Variants in PTN observed in about 807,000 individuals in gnomAD.
The protein encoded by PTN is pleiotrophin.
A neutral mutation model predicts 24.1 loss-of-function variants in PTN; 18 were observed. The observed-to-expected ratio is 0.75, with a 90% CI of 0.52 to 1.11. The LOEUF (loss-of-function observed/expected upper bound fraction) is 1.11. Among genes scored for constraint, PTN ranks in the 50% least tolerant of loss-of-function variants. The pLI, the probability that PTN is intolerant of heterozygous loss-of-function variation, is 0.00. For synonymous variants in PTN, 78 were observed against 68.6 expected, an observed-to-expected ratio of 1.14 and a Z score of -0.67; for missense variants, 163 against 198.8, an observed-to-expected ratio of 0.82 and a Z score of 1.08.
Position 137,251,237 on chromosome 7 carries a change from T to C in PTN, c.444A>G (p.Lys148=), listed in dbSNP as rs1367713549. Residue 148 remains lysine (K), a synonymous_variant, in exon 4 of 5, where the codon AAA becomes AAG. Coordinates refer to ENST00000348225, the MANE Select transcript of PTN (RefSeq NM_002825.7). ...ATAATGGCAAGGACTTACCTTGAGG[T>C]TTGGGCTTGGTCAGTTTGCCACAGG... The part of the protein sequence containing the change: ...SKPCGKLTKP[K]PQAESKKKKK... 1.2e-6 allele frequency: 2 copies of C among 1,613,918 alleles called. No individual in the cohort carries two copies. Among genetic ancestry groups the C allele is most frequent in the African/African-American group, 2.7e-5 (2 of 74,874 alleles).
In PTN at chr7:137,254,879, G is replaced by T; in HGVS notation, c.95C>A (p.Ala32Glu). 1 of 1,564,500 alleles carries T rather than the reference G, an allele frequency of 6.4e-7. No individual in the cohort carries two copies. The highest frequency in any genetic ancestry group is 8.7e-7 in the Non-Finnish European group (1 of 1,143,896). The change falls in exon 2 of 5, where the codon GCA (alanine) becomes GAA (glutamate). Residue 32 changes from alanine (A) to glutamate (E), a missense_variant. By Grantham distance (107) the Ala-to-Glu change is moderately radical. Transcript: ENST00000348225. ...FILAAVDTAEAGKKEKPEKKV... is the reference protein window; with the variant it reads ...FILAAVDTAEEGKKEKPEKKV... Reference sequence around the variant, plus strand: ...CTTACCTGGTTTCTCTTTCTTCCCTGCTTCAGCAGTATCCACAGCTGCCAG... The same window carrying T: ...CTTACCTGGTTTCTCTTTCTTCCCTTCTTCAGCAGTATCCACAGCTGCCAG...
chr7:137,305,671 A>G (rs1809875992), intron 1 of PTN, among the ~76,000 whole-genome samples: 1 of 152,090 alleles, frequency 6.6e-6, no homozygotes, highest in Admixed American at 6.6e-5. Context: ...TTTCAAGAAT[A>G]TAAGAAAATG....
At chr7:137,311,966 A>G (rs1809989534) in intron 1 of PTN, among the ~76,000 whole-genome samples, 1 of 128,318 alleles carries the variant, frequency 7.8e-6, no homozygotes, top group Admixed American at 7.1e-5. Context: ...AAAATATGCA[A>G]TCTCTGAGAA....
At chr7:137,229,601 G>T (rs1337895607) in intron 4 of PTN, among the ~76,000 whole-genome samples, 1 of 151,530 alleles carries the variant, frequency 6.6e-6, no homozygotes, top group African/African-American at 2.4e-5. Flanking sequence ...AAACTTCAAG[G>T]GTACACTATA....
intron 1 of PTN, among the ~76,000 whole-genome samples, chr7:137,336,711 G>A (rs1463100905): frequency 6.6e-6 from 1 of 152,196 alleles, no homozygotes; most frequent in Non-Finnish European, 1.5e-5. Context: ...CAGATGCCAA[G>A]TGGGCATGAG....
chr7:137,258,302 G>A (rs886893515), intron 1 of PTN, among the ~76,000 whole-genome samples: 1 of 152,142 alleles, frequency 6.6e-6, no homozygotes, highest in Non-Finnish European at 1.5e-5. Context: ...CACTCTATCT[G>A]CCTCTAATGT....
chr7:137,230,052 G>A (rs532281552), intron 4 of PTN, among the ~76,000 whole-genome samples: 1 of 151,782 alleles, frequency 6.6e-6, no homozygotes, highest in African/African-American at 2.4e-5. Context: ...GTCTCCAGTA[G>A]AGTGGATATC....
At chr7:137,262,297 T>A (rs571962346) in intron 1 of PTN, among the ~76,000 whole-genome samples, 1 of 152,304 alleles carries the variant, frequency 6.6e-6, no homozygotes, top group South Asian at 2.1e-4. Flanking sequence ...TGCTTTTTTA[T>A]CTTCAATTTA....
At chr7:137,305,367 C>G (rs1809870834) in intron 1 of PTN, among the ~76,000 whole-genome samples, 1 of 152,004 alleles carries the variant, frequency 6.6e-6, no homozygotes, top group Non-Finnish European at 1.5e-5. Flanking sequence ...ATCAGAGCAA[C>G]CACCATATGC....
chr7:137,333,024 G>T (rs897386192), intron 1 of PTN, among the ~76,000 whole-genome samples: 4 of 152,184 alleles, frequency 2.6e-5, no homozygotes, highest in South Asian at 2.1e-4. Flanking sequence ...TGGAGGTGGT[G>T]CCAGATGGGA....
At chr7:137,327,360 C>G (rs1468139178) in intron 1 of PTN, among the ~76,000 whole-genome samples, 1 of 151,652 alleles carries the variant, frequency 6.6e-6, no homozygotes, top group Non-Finnish European at 1.5e-5. Flanking sequence ...TTTTTCTAAC[C>G]GTTGCTTCCA....
At chr7:137,237,287 G>A (rs1159785862) in intron 4 of PTN, among the ~76,000 whole-genome samples, 1 of 144,408 alleles carries the variant, frequency 6.9e-6, no homozygotes, top group Non-Finnish European at 1.5e-5. Flanking sequence ...TATAAACCAG[G>A]AAGAGGGGCC....
In PTN at chr7:137,343,704, C is replaced by T. The variant is rs1177826163; in HGVS notation, c.-267G>A. On this transcript the variant is annotated 5_prime_UTR_variant, in exon 1 of 5. Coordinates refer to ENST00000348225, the MANE Select transcript of PTN (RefSeq NM_002825.7). Reference sequence around the variant, plus strand: ...TGCCTTTGACTCAATTACGCCCTGACAGGGAGGGAACGGAAGGGAAATGGA... The same window carrying T: ...TGCCTTTGACTCAATTACGCCCTGATAGGGAGGGAACGGAAGGGAAATGGA... 3 of 485,228 alleles carry T rather than the reference C, an allele frequency of 6.2e-6. No homozygotes were observed. The highest frequency in any genetic ancestry group is 2.2e-5 in the Admixed American group (1 of 46,080). The allele number at this position is 485,228 out of a possible 1,614,324, so 30.1% of individuals were successfully genotyped here.
At chr7:137,284,627 C>A (rs747309562) in intron 1 of PTN, among the ~76,000 whole-genome samples, 1 of 152,104 alleles carries the variant, frequency 6.6e-6, no homozygotes, top group African/African-American at 2.4e-5. Flanking sequence ...TGACAAATAC[C>A]CTGAAAATAT....
At chr7:137,302,210 C>T (rs200303786) in intron 1 of PTN, among the ~76,000 whole-genome samples, 4 of 151,914 alleles carry the variant, frequency 2.6e-5, no homozygotes, top group African/African-American at 9.7e-5. Flanking sequence ...CTTGTGTTAT[C>T]CCCATCTTCC....
At chr7:137,288,449 A>G (rs1017348581) in intron 1 of PTN, among the ~76,000 whole-genome samples, 3 of 152,170 alleles carry the variant, frequency 2.0e-5, no homozygotes, top group Non-Finnish European at 4.4e-5. Context: ...TAATATGTTA[A>G]ATGTGATTTG....
chr7:137,247,320 G>T (rs1294509844), intron 4 of PTN, among the ~76,000 whole-genome samples: 2 of 152,158 alleles, frequency 1.3e-5, no homozygotes, highest in Non-Finnish European at 2.9e-5. Context: ...ATACATAACG[G>T]AGTACAATTC....
intron 4 of PTN, among the ~76,000 whole-genome samples, chr7:137,239,572 C>T (rs1005557117): frequency 9.9e-5 from 15 of 151,828 alleles, no homozygotes; most frequent in Non-Finnish European, 1.9e-4. Flanking sequence ...CACAACAGTC[C>T]CCAGAGTGTG....
intron 1 of PTN, among the ~76,000 whole-genome samples, chr7:137,263,679 A>G (rs976014914): frequency 2.0e-5 from 3 of 152,146 alleles, no homozygotes; most frequent in African/African-American, 7.2e-5. Context: ...TTTTATAGCT[A>G]TGCTTTTCTT....
Sources: gnomAD v4.1 joint callset for allele counts (sites outside exome capture counted in the v4.1 genomes callset) on GRCh38, gnomAD v4.1.1 for gene constraint, MANE v1.5 for transcripts, NCBI Gene and HGNC (gene_info 2026-07-23, HGNC 2026-07-21) for gene names.